The following AKT3 variants were observed in gnomAD, a reference collection of about 807,000 sequenced individuals.
The protein encoded by AKT3 is RAC-gamma serine/threonine-protein kinase.
AKT3 carries 15 observed loss-of-function variants against 65.3 expected under a neutral mutation model. That is an observed-to-expected ratio of 0.23 (90% CI 0.15 to 0.35). The LOEUF is 0.35. Among genes scored for constraint, AKT3 ranks in the 10% least tolerant of loss-of-function variants. AKT3 has a pLI of 1.00. For synonymous variants in AKT3, 206 were observed against 183.8 expected, an observed-to-expected ratio of 1.12 and a Z score of -0.98; for missense variants, 243 against 576.5, an observed-to-expected ratio of 0.42 and a Z score of 5.92.
At chr1:243,595,915 G>A (rs1434671866) in intron 8 of AKT3, among the ~76,000 whole-genome samples, 1 of 152,166 alleles carries the variant, frequency 6.6e-6, no homozygotes, top group Non-Finnish European at 1.5e-5. Flanking sequence ...ACACAGTCAT[G>A]TACTATCACA....
At chr1:243,604,119 T>C (rs1677218843) in intron 8 of AKT3, among the ~76,000 whole-genome samples, 1 of 152,116 alleles carries the variant, frequency 6.6e-6, no homozygotes, top group Non-Finnish European at 1.5e-5. Flanking sequence ...GGTCTCAAAC[T>C]CCTGGCCTCA....
At chr1:243,683,754 A>T (rs1684085148) in intron 3 of AKT3, among the ~76,000 whole-genome samples, 3 of 152,148 alleles carry the variant, frequency 2.0e-5, no homozygotes. Context: ...CCTCAGTATA[A>T]ACTATTGAAG....
intron 8 of AKT3, among the ~76,000 whole-genome samples, chr1:243,608,570 C>T (rs951498774): frequency 1.3e-5 from 2 of 152,040 alleles, no homozygotes; most frequent in Admixed American, 6.6e-5. Flanking sequence ...TATTCTCACG[C>T]TCAAGTCCTT....
intron 2 of AKT3, among the ~76,000 whole-genome samples, chr1:243,784,661 G>C (rs1248380356): frequency 6.6e-6 from 1 of 152,166 alleles, no homozygotes; most frequent in Non-Finnish European, 1.5e-5. Flanking sequence ...CAGGTCTCCA[G>C]GCACCACAAT....
intron 2 of AKT3, among the ~76,000 whole-genome samples, chr1:243,811,394 A>G (rs546521667): frequency 6.6e-6 from 1 of 152,342 alleles, no homozygotes; most frequent in Admixed American, 6.5e-5. Flanking sequence ...ACAAACAGCC[A>G]AATTATGAGT....
At chr1:243,757,572 C>A (rs564780981) in intron 2 of AKT3, among the ~76,000 whole-genome samples, 1 of 151,642 alleles carries the variant, frequency 6.6e-6, no homozygotes, top group Non-Finnish European at 1.5e-5. Flanking sequence ...GAGCCAAGAT[C>A]GTGCCACTGC....
At chr1:243,645,668 A>G (rs1680755127) in intron 5 of AKT3, among the ~76,000 whole-genome samples, 1 of 152,238 alleles carries the variant, frequency 6.6e-6, no homozygotes, top group Non-Finnish European at 1.5e-5. Context: ...TCAGTCACAC[A>G]TGAGCCCTAT....
At chr1:243,707,081 G>C (rs150539055) in intron 2 of AKT3, among the ~76,000 whole-genome samples, 8 of 152,208 alleles carry the variant, frequency 5.3e-5, no homozygotes, top group African/African-American at 1.9e-4. Flanking sequence ...AAAGCATGTA[G>C]AACAACATCT....
chr1:243,698,037 T>C (rs1685172412), intron 2 of AKT3, among the ~76,000 whole-genome samples: 1 of 152,092 alleles, frequency 6.6e-6, no homozygotes, highest in Non-Finnish European at 1.5e-5. Context: ...CTAATATTAA[T>C]AAGCACATGA....
At chr1:243,758,262 T>A (rs1282414535) in intron 2 of AKT3, among the ~76,000 whole-genome samples, 2 of 151,750 alleles carry the variant, frequency 1.3e-5, no homozygotes, top group African/African-American at 4.8e-5. Flanking sequence ...AGGAGAAAAA[T>A]ATAGCAAAGG....
intron 2 of AKT3, among the ~76,000 whole-genome samples, chr1:243,790,732 G>A (rs372247973): frequency 5.4e-4 from 82 of 152,280 alleles, no homozygotes; most frequent in African/African-American, 1.8e-3. Flanking sequence ...TTTCCAGAGA[G>A]ACGTGTGATT....
intron 2 of AKT3, among the ~76,000 whole-genome samples, chr1:243,745,997 A>C (rs1349183913): frequency 6.6e-6 from 1 of 152,256 alleles, no homozygotes. Flanking sequence ...CAAAATCTGC[A>C]TTAACTCTAA....
At chr1:243,544,710 T>TTG (rs1553400085) in intron 12 of AKT3, among the ~76,000 whole-genome samples, 1 of 149,330 alleles carries the variant, frequency 6.7e-6, no homozygotes, top group East Asian at 1.9e-4. Flanking sequence ...TTTTTGTTTT[T>TTG]TTTTTTTTTA....
intron 2 of AKT3, among the ~76,000 whole-genome samples, chr1:243,781,994 T>A (rs1223249397): frequency 1.3e-5 from 2 of 152,138 alleles, no homozygotes; most frequent in South Asian, 2.1e-4. Context: ...AGCTAACTTT[T>A]GTATTTTTTG....
chr1:243,748,626 T>C (rs1688620179), intron 2 of AKT3, among the ~76,000 whole-genome samples: 1 of 152,198 alleles, frequency 6.6e-6, no homozygotes, highest in Non-Finnish European at 1.5e-5. Flanking sequence ...TGAGAAATAC[T>C]ATTTAGTGTG....
chr1:243,556,165 G>A (rs1188196920), intron 10 of AKT3, among the ~76,000 whole-genome samples: 1 of 152,006 alleles, frequency 6.6e-6, no homozygotes, highest in African/African-American at 2.4e-5. Flanking sequence ...TAAGACTCAA[G>A]GAGGTTACAG....
chr1:243,810,312 A>G (rs1469250975), intron 2 of AKT3, among the ~76,000 whole-genome samples: 2 of 152,222 alleles, frequency 1.3e-5, no homozygotes, highest in Non-Finnish European at 2.9e-5. Context: ...GAGAAGAATC[A>G]AATAGACACA....
intron 12 of AKT3, among the ~76,000 whole-genome samples, chr1:243,539,182 T>C (rs1672124133): frequency 6.6e-6 from 1 of 152,260 alleles, no homozygotes; most frequent in Non-Finnish European, 1.5e-5. Context: ...CTTCTGCATC[T>C]GCCACCTCTT....
intron 2 of AKT3, among the ~76,000 whole-genome samples, chr1:243,727,731 A>G (rs1687299347): frequency 6.6e-6 from 1 of 152,184 alleles, no homozygotes; most frequent in Admixed American, 6.5e-5. Flanking sequence ...AGTCTGCAGA[A>G]AAGGAACCTC....
Sources: gnomAD v4.1 joint callset for allele counts (sites outside exome capture counted in the v4.1 genomes callset) on GRCh38, gnomAD v4.1.1 for gene constraint, MANE v1.5 for transcripts, NCBI Gene and HGNC (gene_info 2026-07-23, HGNC 2026-07-21) for gene names.